The following PPM1H variants were observed in gnomAD, a reference collection of about 807,000 sequenced individuals.
The protein encoded by PPM1H is protein phosphatase 1H.
Under a neutral mutation model 54.9 loss-of-function variants are expected in PPM1H, and 27 were observed. That is an observed-to-expected ratio of 0.49 (90% CI 0.36 to 0.68). The LOEUF (loss-of-function observed/expected upper bound fraction) is 0.68, where lower values mean the gene tolerates loss of function less well. Among genes scored for constraint, PPM1H ranks in the 30% least tolerant of loss-of-function variants. The pLI is 0.00. For missense variants in PPM1H, 596 were observed against 667.8 expected (o/e 0.89, Z 1.19); for synonymous variants, 305 against 270.8 (o/e 1.13, Z -1.24).
chr12:62,660,279 G>A (rs148982530), intron 9 of PPM1H, among the ~76,000 whole-genome samples: 5 of 152,256 alleles, frequency 3.3e-5, no homozygotes, highest in African/African-American at 1.2e-4. Context: ...ACACATGAAA[G>A]AGAACACTGT....
chr12:62,876,904 A>AT (rs1232474351), intron 1 of PPM1H, among the ~76,000 whole-genome samples: 4 of 152,130 alleles, frequency 2.6e-5, no homozygotes, highest in South Asian at 4.1e-4. Context: ...GCCACATACT[A>AT]TTTTTTAAGC....
At chr12:62,764,969 G>T (rs2076532786) in intron 4 of PPM1H, among the ~76,000 whole-genome samples, 1 of 152,262 alleles carries the variant, frequency 6.6e-6, no homozygotes, top group South Asian at 2.1e-4. Flanking sequence ...AGGCTCAGGG[G>T]AGGCTCGAGG....
chr12:62,875,925 C>T (rs1393162762), intron 1 of PPM1H, among the ~76,000 whole-genome samples: 1 of 152,154 alleles, frequency 6.6e-6, no homozygotes, highest in Admixed American at 6.5e-5. Flanking sequence ...GATTGAACAA[C>T]TTGGAGAACT....
At chr12:62,685,206 C>T (rs2076044880) in intron 8 of PPM1H, among the ~76,000 whole-genome samples, 1 of 152,114 alleles carries the variant, frequency 6.6e-6, no homozygotes, top group African/African-American at 2.4e-5. Context: ...ACAACAAAGG[C>T]CATTACTGTC....
At chr12:62,931,851 A>C (rs1157713082) in intron 1 of PPM1H, among the ~76,000 whole-genome samples, 1 of 152,220 alleles carries the variant, frequency 6.6e-6, no homozygotes, top group Non-Finnish European at 1.5e-5. Context: ...GTATATATTT[A>C]AGAAGAATGA....
intron 2 of PPM1H, among the ~76,000 whole-genome samples, chr12:62,802,646 C>A: frequency 6.6e-6 from 1 of 152,010 alleles, no homozygotes; most frequent in East Asian, 1.9e-4. Flanking sequence ...TCACTGCAAC[C>A]TCCACCGCCC....
intron 4 of PPM1H, among the ~76,000 whole-genome samples, chr12:62,741,512 T>G (rs557454064): frequency 1.6e-4 from 24 of 152,212 alleles, no homozygotes; most frequent in Non-Finnish European, 3.2e-4. Context: ...ATTTCTTGCT[T>G]TAGCCTCACT....
chr12:62,668,655 G>A (rs2075935366), intron 8 of PPM1H, among the ~76,000 whole-genome samples: 1 of 151,454 alleles, frequency 6.6e-6, no homozygotes, highest in Non-Finnish European at 1.5e-5. Context: ...GGGGTTACAG[G>A]CATGAGCCAC....
At chr12:62,831,752 T>C (rs1268088762) in intron 2 of PPM1H, among the ~76,000 whole-genome samples, 4 of 150,272 alleles carry the variant, frequency 2.7e-5, no homozygotes, top group East Asian at 4.0e-4. Context: ...TACGTATATA[T>C]ATTCGTGTAT....
chr12:62,784,250 G>A lies in PPM1H; in HGVS notation c.869+3976C>T, dbSNP rs11174648. Among the ~76,000 whole-genome samples the A allele has an allele frequency of 1.6e-3, 244 of 152,296 alleles. 10 individuals are homozygous for A. In the East Asian group the frequency reaches 0.04, roughly 25 times the overall value. On this transcript the variant is annotated intron_variant, in intron 4 of 9. Coordinates refer to ENST00000228705, the MANE Select transcript of PPM1H (RefSeq NM_020700.2). Reference sequence around the variant, plus strand: ...ACATGGATCAGGTACTCGCGTCACTGTGGACCATCCTACATGAATGGTCCT... The same window carrying A: ...ACATGGATCAGGTACTCGCGTCACTATGGACCATCCTACATGAATGGTCCT...
intron 7 of PPM1H, among the ~76,000 whole-genome samples, chr12:62,690,516 A>G (rs1430394564): frequency 6.6e-6 from 1 of 152,192 alleles, no homozygotes; most frequent in African/African-American, 2.4e-5. Flanking sequence ...CTGTTTTTGA[A>G]TGGTGTAAGG....
At chr12:62,901,296 A>G (rs1258265176) in intron 1 of PPM1H, among the ~76,000 whole-genome samples, 3 of 152,248 alleles carry the variant, frequency 2.0e-5, no homozygotes, top group East Asian at 1.9e-4. Context: ...GACAATTATC[A>G]TCAACCAAAT....
chr12:62,734,268 A>G (rs1388461552), intron 5 of PPM1H, among the ~76,000 whole-genome samples: 2 of 152,084 alleles, frequency 1.3e-5, no homozygotes, highest in East Asian at 3.9e-4. Flanking sequence ...TGAGAAATTA[A>G]TTCTGTTGTT....
At chr12:62,856,140 C>T (rs1008137980) in intron 1 of PPM1H, among the ~76,000 whole-genome samples, 1 of 152,166 alleles carries the variant, frequency 6.6e-6, no homozygotes, top group African/African-American at 2.4e-5. Context: ...TGATCAGAAC[C>T]TTGGTGAATA....
At chr12:62,763,139 A>G (rs2076519849) in intron 4 of PPM1H, among the ~76,000 whole-genome samples, 1 of 152,202 alleles carries the variant, frequency 6.6e-6, no homozygotes, top group Admixed American at 6.5e-5. Flanking sequence ...GCTACCTCCC[A>G]GATCAAGCAA....
Position 62,740,195 on chromosome 12 carries a change from T to C in PPM1H, c.870-2609A>G, listed in dbSNP as rs74098817. On this transcript the variant is annotated intron_variant, in intron 4 of 9. Transcript: ENST00000228705. ...TAATAATCTACATTCAGGGTCTATC[T>C]ACTCCCTCGCCTCCCATGGATCCCT... is the stretch of plus-strand genomic sequence containing the variant. Among the ~76,000 whole-genome samples, 725 of 152,316 alleles carry C rather than the reference T, an allele frequency of 4.8e-3. 5 individuals are homozygous for C. The highest frequency in any genetic ancestry group is 0.017 in the African/African-American group (696 of 41,572).
intron 1 of PPM1H, among the ~76,000 whole-genome samples, chr12:62,930,933 G>A (rs574414554): frequency 1.3e-5 from 2 of 152,288 alleles, no homozygotes; most frequent in East Asian, 3.9e-4. Flanking sequence ...TTCAAGAGCT[G>A]GGAAATTCCA....
In PPM1H at chr12:62,856,459, G is replaced by T. The variant is rs1869392646; in HGVS notation, c.246-24180C>A. ...CAAACCATTGTTTCATGTATTTGTT[G>T]TCTCTTTTTTTTATTTTGTCAGATG... On this transcript the variant is annotated intron_variant, in intron 1 of 9. Transcript: ENST00000228705. 2.6e-5 allele frequency among the ~76,000 whole-genome samples: 4 copies of T among 152,172 alleles called. No homozygotes were observed. In the South Asian group the frequency reaches 8.3e-4, roughly 32 times the overall value.
chr12:62,799,218 A>G (rs951439652), intron 3 of PPM1H, among the ~76,000 whole-genome samples: 1 of 152,164 alleles, frequency 6.6e-6, no homozygotes, highest in African/African-American at 2.4e-5. Flanking sequence ...TTCTGAATGA[A>G]CCTTTCTTTG....
Sources: allele counts gnomAD v4.1 joint callset (sites outside exome capture counted in the v4.1 genomes callset), GRCh38; gene constraint gnomAD v4.1.1; transcripts MANE v1.5; gene names NCBI Gene and HGNC (gene_info 2026-07-23, HGNC 2026-07-21).